The following MELK variants were observed in gnomAD, a reference collection of about 807,000 sequenced individuals.
MELK encodes the protein maternal embryonic leucine zipper kinase, also known as pEg3 kinase.
In MELK, 81 loss-of-function variants were observed where a neutral mutation model predicts 85.0. That is an observed-to-expected ratio of 0.95 (90% confidence interval 0.80 to 1.15). The LOEUF (loss-of-function observed/expected upper bound fraction) is 1.15. MELK is among the 50% of genes most tolerant of loss of function. The pLI, the probability that MELK is intolerant of heterozygous loss-of-function variation, is 0.00. For synonymous variants in MELK, 252 were observed against 265.0 expected, an observed-to-expected ratio of 0.95 and a Z score of 0.48; for missense variants, 754 against 777.5, an observed-to-expected ratio of 0.97 and a Z score of 0.36.
chr9:36,646,530 A>AGT (rs1388421610), intron 11 of MELK, among the ~76,000 whole-genome samples: 1 of 152,192 alleles, frequency 6.6e-6, no homozygotes, highest in Non-Finnish European at 1.5e-5. Flanking sequence ...CATGATTTTG[A>AGT]GTGATCTCAT....
intron 8 of MELK, among the ~76,000 whole-genome samples, chr9:36,614,880 C>G (rs1826431789): frequency 6.8e-6 from 1 of 147,916 alleles, no homozygotes; most frequent in Admixed American, 6.7e-5. Flanking sequence ...TCAATCTTTT[C>G]CCCACCTTTC....
At chr9:36,601,307 T>C (rs886355881) in intron 7 of MELK, among the ~76,000 whole-genome samples, 4 of 152,218 alleles carry the variant, frequency 2.6e-5, no homozygotes, top group Non-Finnish European at 5.9e-5. Context: ...TTAGTCCCTT[T>C]TAATCTGGAA....
At position 36,589,920 on chromosome 9, in the gene MELK, G is replaced by GCT. The variant is rs1554715717; in HGVS notation, c.261+268_261+269insCT. Among the ~76,000 whole-genome samples the GCT allele has an allele frequency of 1.4e-4, 17 of 125,776 alleles. 1 individual carries two copies. Among genetic ancestry groups the GCT allele is most frequent in the African/African-American group, 4.1e-4 (13 of 32,078 alleles). The allele number at this position is 125,776 out of a possible 152,430, so 82.5% of individuals were successfully genotyped here. ...CTCCTAGAGGGAAGGACTCATTCTA[G>GCT]TTTTTTTTTTTTTTTTTTTGAGACG... is the stretch of plus-strand genomic sequence containing the variant. On this transcript the variant is annotated intron_variant, in intron 4 of 17. Transcript: ENST00000298048.
At chr9:36,617,962 C>CA (rs1564168586) in intron 8 of MELK, among the ~76,000 whole-genome samples, 1 of 150,930 alleles carries the variant, frequency 6.6e-6, no homozygotes, top group South Asian at 2.1e-4. Context: ...TCCGTCTCTA[C>CA]AAAAAATAAA....
chr9:36,676,636 C>T (rs771125861), intron 17 of MELK, among the ~76,000 whole-genome samples: 1 of 152,046 alleles, frequency 6.6e-6, no homozygotes, highest in African/African-American at 2.4e-5. Flanking sequence ...ATGTGATGAT[C>T]GTCATAAGAG....
intron 8 of MELK, among the ~76,000 whole-genome samples, chr9:36,618,652 A>C (rs1231017294): frequency 6.6e-6 from 1 of 152,134 alleles, no homozygotes; most frequent in Non-Finnish European, 1.5e-5. Context: ...CATAGTCTTC[A>C]ATCTGTGGTT....
At chr9:36,606,529 A>ATATACATATGTATAGGTGTG in intron 7 of MELK, among the ~76,000 whole-genome samples, 1 of 126,800 alleles carries the variant, frequency 7.9e-6, no homozygotes, top group African/African-American at 2.9e-5. Context: ...TGTGTATATA[A>ATATACATATGTATAGGTGTG]TATATAATAT....
intron 3 of MELK, among the ~76,000 whole-genome samples, chr9:36,588,159 C>T (rs1401815828): frequency 2.0e-5 from 3 of 151,002 alleles, no homozygotes; most frequent in Non-Finnish European, 2.9e-5. Context: ...AGGGTTCAAG[C>T]AATTCTCCTG....
At chr9:36,612,797 T>C (rs1016855766) in intron 8 of MELK, among the ~76,000 whole-genome samples, 4 of 152,246 alleles carry the variant, frequency 2.6e-5, no homozygotes, top group Non-Finnish European at 4.4e-5. Flanking sequence ...TAAAGTTACA[T>C]TGGGGAGTAT....
chr9:36,657,685 G>C (rs1831389174), intron 13 of MELK, among the ~76,000 whole-genome samples: 1 of 152,154 alleles, frequency 6.6e-6, no homozygotes, highest in South Asian at 2.1e-4. Flanking sequence ...CTGCCTCCCA[G>C]GTTCAAGTGA....
intron 11 of MELK, among the ~76,000 whole-genome samples, chr9:36,651,397 G>C (rs1830684479): frequency 6.6e-6 from 1 of 152,168 alleles, no homozygotes; most frequent in African/African-American, 2.4e-5. Context: ...GTGTGGGAAA[G>C]GGAGGGAGTT....
In MELK at chr9:36,677,425, A is replaced by T; in HGVS notation, c.*88A>T. 1 of 1,236,996 alleles carries T rather than the reference A, an allele frequency of 8.1e-7. No homozygotes were observed. Among genetic ancestry groups the T allele is most frequent in the Non-Finnish European group, 1.1e-6 (1 of 924,564 alleles). 76.6% of individuals were successfully genotyped at this position (1,236,996 alleles called of 1,614,324 possible). A position where few individuals can be genotyped will look rare whatever the true frequency, so the allele number is the denominator to read the frequency against. On this transcript the variant is annotated 3_prime_UTR_variant, in exon 18 of 18. Transcript: ENST00000298048. ...TATGATCGCTTTGATTTTAAAGTTCATTGGAACTACCAACTTGTTTCTAAA... is the reference window on the plus strand; with the variant it reads ...TATGATCGCTTTGATTTTAAAGTTCTTTGGAACTACCAACTTGTTTCTAAA...
rs72733443 is a variant in MELK at position 36,657,223 on chromosome 9, C to G, written c.1054-18C>G. The G allele has an allele frequency of 0.098, 156,047 of 1,598,982 alleles. 8,564 individuals are homozygous for G. The highest frequency in any genetic ancestry group is 0.11 in the Non-Finnish European group (130,474 of 1,174,582). On this transcript the variant is annotated intron_variant, in intron 12 of 17. Transcript: ENST00000298048. ...ATAGTACTGTCATCTTTAAGTTCTT[C>G]TGTCTTTCATTGAGTAGTCAAATAA...
chr9:36,596,680 G>A (rs781536526), intron 5 of MELK, among the ~76,000 whole-genome samples: 5 of 146,476 alleles, frequency 3.4e-5, no homozygotes, highest in East Asian at 2.1e-4. Flanking sequence ...CCCGCCTCCC[G>A]GGCTCAAGCA....
At chr9:36,589,209 C>T (rs748820093) in intron 3 of MELK, among the ~76,000 whole-genome samples, 13 of 151,414 alleles carry the variant, frequency 8.6e-5, no homozygotes, top group African/African-American at 2.4e-4. Context: ...AGTGCAGTGG[C>T]GCAATCTCGG....
At chr9:36,649,982 C>T (rs1277039077) in intron 11 of MELK, among the ~76,000 whole-genome samples, 2 of 151,778 alleles carry the variant, frequency 1.3e-5, no homozygotes, top group African/African-American at 2.4e-5. Context: ...CTCGCTCTGT[C>T]GCCCAGGCTG....
At chr9:36,627,986 C>T (rs1281877906) in intron 8 of MELK, among the ~76,000 whole-genome samples, 1 of 152,100 alleles carries the variant, frequency 6.6e-6, no homozygotes, top group Non-Finnish European at 1.5e-5. Flanking sequence ...ACTGCAACCT[C>T]CACCTCCCGG....
chr9:36,632,898 A>G (rs1801816904), intron 9 of MELK, among the ~76,000 whole-genome samples: 1 of 152,234 alleles, frequency 6.6e-6, no homozygotes, highest in South Asian at 2.1e-4. Context: ...TTATCTTCTA[A>G]GCCTGTGTTG....
At chr9:36,604,918 T>A (rs928587443) in intron 7 of MELK, among the ~76,000 whole-genome samples, 9 of 151,956 alleles carry the variant, frequency 5.9e-5, no homozygotes, top group Non-Finnish European at 1.3e-4. Flanking sequence ...GTTAGGATTA[T>A]GGGTGTGAGC....
Sources: gnomAD v4.1 joint callset for allele counts (sites outside exome capture counted in the v4.1 genomes callset) on GRCh38, gnomAD v4.1.1 for gene constraint, MANE v1.5 for transcripts, NCBI Gene and HGNC (gene_info 2026-07-23, HGNC 2026-07-21) for gene names.